PPARGC1B: variants seen among roughly 807,000 people sequenced by gnomAD.
PPARGC1B encodes the protein PPARG coactivator 1 beta, also known as peroxisome proliferator-activated receptor gamma coactivator 1-beta.
Under a neutral mutation model 101.6 loss-of-function variants are expected in PPARGC1B, and 34 were observed. The ratio of observed to expected loss-of-function variants is 0.33; its 90% CI spans 0.25 to 0.45. The LOEUF (loss-of-function observed/expected upper bound fraction) is 0.45. PPARGC1B is among the 20% of genes least tolerant of loss of function. The pLI, the probability that PPARGC1B is intolerant of heterozygous loss-of-function variation, is 1.00. For synonymous variants in PPARGC1B, 548 were observed against 539.3 expected (o/e 1.02, Z -0.22); for missense variants, 1,234 against 1,317.6 (o/e 0.94, Z 0.98).
At chr5:149,766,972 C>T (rs11749230) in intron 1 of PPARGC1B, among the ~76,000 whole-genome samples, 15,406 of 152,166 alleles carry the variant, frequency 0.1, 1,286 homozygotes, top group African/African-American at 0.23. Flanking sequence ...TGTTCCTTTC[C>T]AAGTTGGTTC....
chr5:149,758,990 A>C (rs1755627837), intron 1 of PPARGC1B, among the ~76,000 whole-genome samples: 1 of 152,232 alleles, frequency 6.6e-6, no homozygotes, highest in African/African-American at 2.4e-5. Context: ...TTTGTTGAAG[A>C]AAATTAAAGA....
chr5:149,815,581 C>T (rs1404691724), intron 1 of PPARGC1B, among the ~76,000 whole-genome samples: 2 of 152,034 alleles, frequency 1.3e-5, no homozygotes. Flanking sequence ...TTTATTTATT[C>T]GAGACTGAGT....
intron 1 of PPARGC1B, among the ~76,000 whole-genome samples, chr5:149,783,336 A>T (rs1213499201): frequency 6.6e-6 from 1 of 152,246 alleles, no homozygotes; most frequent in East Asian, 1.9e-4. Context: ...AGTGACCTTA[A>T]TGATGACTAC....
chr5:149,768,583 A>G (rs906137669), intron 1 of PPARGC1B, among the ~76,000 whole-genome samples: 4 of 147,816 alleles, frequency 2.7e-5, no homozygotes, highest in Admixed American at 6.7e-5. Context: ...AGCTGAGACT[A>G]TAAGTGCCCA....
rs145136051 is a variant in PPARGC1B, at chr5:149,849,099, AT to A, written c.*1551del. On this transcript the variant is annotated 3_prime_UTR_variant, in exon 12 of 12. Transcript: ENST00000309241. The stretch of plus-strand genomic sequence containing the variant: ...TCAGGGTTCCTCGGGAAATTTTTGT[AT>A]TTTTTTTTTAAGTCCTGCTGCTTTA... 0.025 allele frequency: 3,716 copies of A among 150,308 alleles called. 143 individuals carry two copies. The highest frequency in any genetic ancestry group is 0.086 in the African/African-American group (3,514 of 41,028). 9.3% of individuals were successfully genotyped at this position (150,308 alleles called of 1,614,324 possible). A position where few individuals can be genotyped will look rare whatever the true frequency, so the allele number is the denominator to read the frequency against.
rs898826142 is a variant in PPARGC1B, at chr5:149,835,330, A to T, written c.1772A>T (p.Glu591Val). ...SDPTFGKKSF[E>V]QTLTVELCGT... ...CCAACTTTTGGCAAGAAGAGCTTTG[A>T]GCAGACCTTGACAGTGGAGCTCTGT... Residue 591 changes from glutamate to valine, a missense_variant, in exon 7 of 12, where the codon GAG (glutamate) becomes GTG (valine). Physicochemically the swap from Glu to Val is moderately radical, Grantham distance 121. Transcript: ENST00000309241. 1 of 1,614,164 alleles carries T rather than the reference A, an allele frequency of 6.2e-7. No homozygotes were observed. The highest frequency in any genetic ancestry group is 8.5e-7 in the Non-Finnish European group (1 of 1,180,014).
At chr5:149,754,202 G>A in intron 1 of PPARGC1B, among the ~76,000 whole-genome samples, 1 of 152,210 alleles carries the variant, frequency 6.6e-6, no homozygotes, top group East Asian at 1.9e-4. Flanking sequence ...AGACTCACCT[G>A]TGTTGCCTTT....
chr5:149,828,428 G>A (rs1001829622), intron 3 of PPARGC1B, among the ~76,000 whole-genome samples: 1 of 152,236 alleles, frequency 6.6e-6, no homozygotes, highest in Non-Finnish European at 1.5e-5. Context: ...GCTATTAGGA[G>A]GATTACAGCA....
intron 1 of PPARGC1B, among the ~76,000 whole-genome samples, chr5:149,736,127 G>A (rs1209933659): frequency 1.3e-5 from 2 of 152,128 alleles, no homozygotes; most frequent in Non-Finnish European, 2.9e-5. Context: ...AGGCAACAGA[G>A]TGAGACTCCA....
chr5:149,792,506 T>C (rs921020780), intron 1 of PPARGC1B, among the ~76,000 whole-genome samples: 1 of 152,148 alleles, frequency 6.6e-6, no homozygotes, highest in Non-Finnish European at 1.5e-5. Context: ...GCTCAGATTC[T>C]TGATTTCATT....
At chr5:149,844,703 T>A (rs995485258) in intron 10 of PPARGC1B, among the ~76,000 whole-genome samples, 1 of 152,200 alleles carries the variant, frequency 6.6e-6, no homozygotes, top group Admixed American at 6.5e-5. Flanking sequence ...CAGAGAGGTG[T>A]CAGGAAACAT....
At chr5:149,845,998 A>G (rs1759540503) in intron 11 of PPARGC1B, 84 bp downstream of exon 11, 1 of 1,553,136 alleles carries the variant, frequency 6.4e-7, no homozygotes, top group African/African-American at 1.4e-5. Flanking sequence ...CCAGAGCTAA[A>G]GCGCCTTGTG....
intron 1 of PPARGC1B, among the ~76,000 whole-genome samples, chr5:149,763,822 C>A (rs915232239): frequency 6.6e-6 from 1 of 151,066 alleles, no homozygotes; most frequent in Non-Finnish European, 1.5e-5. Context: ...GAGTCTCTGT[C>A]GCTCGGGCTG....
chr5:149,799,790 C>G (rs11747142), intron 1 of PPARGC1B, among the ~76,000 whole-genome samples: 1 of 149,620 alleles, frequency 6.7e-6, no homozygotes, highest in Non-Finnish European at 1.5e-5. Context: ...CTCCGCCTCC[C>G]GGGTTCAAGT....
At chr5:149,734,916 A>G (rs1469816150) in intron 1 of PPARGC1B, among the ~76,000 whole-genome samples, 1 of 152,132 alleles carries the variant, frequency 6.6e-6, no homozygotes, top group Non-Finnish European at 1.5e-5. Flanking sequence ...CCCATTTTGC[A>G]ATTGGTATCT....
chr5:149,784,768 C>T (rs972954435), intron 1 of PPARGC1B, among the ~76,000 whole-genome samples: 11 of 151,908 alleles, frequency 7.2e-5, no homozygotes, highest in South Asian at 4.2e-4. Flanking sequence ...GGGGTTTCAC[C>T]GTGTTAGCCA....
At chr5:149,803,503 G>A (rs1033346832) in intron 1 of PPARGC1B, among the ~76,000 whole-genome samples, 2 of 152,194 alleles carry the variant, frequency 1.3e-5, no homozygotes. Context: ...GTGGGTTCTC[G>A]TGGTACTTAC....
chr5:149,839,252 T>C (rs1412808753), intron 8 of PPARGC1B, among the ~76,000 whole-genome samples: 1 of 152,222 alleles, frequency 6.6e-6, no homozygotes, highest in Non-Finnish European at 1.5e-5. Flanking sequence ...ATTTTATAGA[T>C]GAAGAACTGA....
At chr5:149,823,330 G>A (rs11745677) in intron 2 of PPARGC1B, among the ~76,000 whole-genome samples, 8,284 of 152,150 alleles carry the variant, frequency 0.054, 325 homozygotes, top group East Asian at 0.16. Flanking sequence ...AGGAGAGGGA[G>A]TGGCCAATTT....
Sources: gnomAD v4.1 joint callset for allele counts (sites outside exome capture counted in the v4.1 genomes callset) on GRCh38, gnomAD v4.1.1 for gene constraint, MANE v1.5 for transcripts, NCBI Gene and HGNC (gene_info 2026-07-23, HGNC 2026-07-21) for gene names.